The following TMEM108 variants were observed in gnomAD, a reference collection of about 807,000 sequenced individuals.
TMEM108 encodes transmembrane protein 108.
TMEM108 carries 12 observed loss-of-function variants against 35.1 expected under a neutral mutation model. The observed-to-expected ratio is 0.34, with a 90% CI of 0.22 to 0.55. The LOEUF is 0.55. Among genes scored for constraint, TMEM108 ranks in the 20% least tolerant of loss-of-function variants. The pLI is 0.89. For missense variants in TMEM108, 680 were observed against 753.3 expected (o/e 0.90, Z 1.14); for synonymous variants, 287 against 308.6 (o/e 0.93, Z 0.73).
At position 133,319,993 on chromosome 3, in the gene TMEM108, C is replaced by T. The variant is rs558387186; in HGVS notation, c.41-59759C>T. Among the ~76,000 whole-genome samples the T allele has an allele frequency of 1.6e-4, 24 of 152,092 alleles. 1 individual carries two copies. Among genetic ancestry groups the T allele is most frequent in the South Asian group, 6.2e-4 (3 of 4,820 alleles). Reference sequence around the variant, plus strand: ...ATGACAAAACAAGGTTCTGGCTGGGCGCAGTGGCTCATGCCTGTAATCCCA... The same window carrying T: ...ATGACAAAACAAGGTTCTGGCTGGGTGCAGTGGCTCATGCCTGTAATCCCA... On this transcript the variant is annotated intron_variant, in intron 3 of 5. Transcript: ENST00000321871.
intron 3 of TMEM108, among the ~76,000 whole-genome samples, chr3:133,376,303 C>A (rs1394787234): frequency 2.0e-5 from 3 of 152,140 alleles, no homozygotes; most frequent in Non-Finnish European, 4.4e-5. Flanking sequence ...CTCCTAGAGG[C>A]CATGGTGGCT....
chr3:133,217,811 T>G (rs1287359159), intron 2 of TMEM108, among the ~76,000 whole-genome samples: 1 of 152,054 alleles, frequency 6.6e-6, no homozygotes, highest in Admixed American at 6.6e-5. Flanking sequence ...CCAAACAGTT[T>G]TGATTACTAT....
intron 2 of TMEM108, among the ~76,000 whole-genome samples, chr3:133,077,881 G>A (rs772477713): frequency 7.2e-5 from 11 of 152,118 alleles, no homozygotes; most frequent in African/African-American, 1.4e-4. Context: ...AGGCTGACTC[G>A]TTTGCCTGTG....
intron 3 of TMEM108, among the ~76,000 whole-genome samples, chr3:133,235,723 G>T (rs11916334): frequency 0.32 from 48,440 of 152,068 alleles, 8,527 homozygotes; most frequent in East Asian, 0.47. Flanking sequence ...ACTAACATTT[G>T]TGTGGAACCT....
chr3:133,135,211 G>A (rs1265183170), intron 2 of TMEM108, among the ~76,000 whole-genome samples: 3 of 149,946 alleles, frequency 2.0e-5, no homozygotes, highest in Non-Finnish European at 4.4e-5. Context: ...TCCTTTAGCG[G>A]GTCTTTCTCT....
At chr3:133,066,867 T>G (rs1352827463) in intron 2 of TMEM108, among the ~76,000 whole-genome samples, 1 of 152,216 alleles carries the variant, frequency 6.6e-6, no homozygotes, top group Non-Finnish European at 1.5e-5. Context: ...TCTTTACTTT[T>G]GTTATATTTT....
At chr3:133,153,945 T>C (rs1944838815) in intron 2 of TMEM108, among the ~76,000 whole-genome samples, 1 of 152,138 alleles carries the variant, frequency 6.6e-6, no homozygotes, top group African/African-American at 2.4e-5. Flanking sequence ...TACAAAACTT[T>C]GTATTTGTAA....
rs753892854 is a variant in TMEM108, at chr3:133,379,793, G to T, written c.82G>T (p.Ala28Ser). The change falls in exon 4 of 6, where the codon GCC (alanine) becomes TCC (serine). Residue 28 changes from alanine to serine, a missense_variant. Ala to Ser is a moderately conservative substitution (Grantham distance 99, BLOSUM62 1). Around this residue, in one of 3 missense-constraint regions of TMEM108, gnomAD observed 49 missense variants for 70.6 expected, o/e 0.69. Coordinates refer to ENST00000321871, the MANE Select transcript of TMEM108 (RefSeq NM_023943.4). ...GGCACTGACCGAAGCGCTGGCATTT[G>T]CCATCCAGGAACCATCTCCCAGGGA... The part of the protein sequence containing the change: ...ILALTEALAF[A>S]IQEPSPRESL... 2.5e-6 allele frequency: 4 copies of T among 1,613,860 alleles called. No individual in the cohort carries two copies. The highest frequency in any genetic ancestry group is 3.4e-6 in the Non-Finnish European group (4 of 1,179,898).
intron 2 of TMEM108, among the ~76,000 whole-genome samples, chr3:133,064,136 A>G (rs916526882): frequency 1.4e-4 from 22 of 152,126 alleles, no homozygotes; most frequent in African/African-American, 4.6e-4. Flanking sequence ...GTAAGACTCT[A>G]TTGAATTGAG....
At chr3:133,090,452 G>T (rs1943934300) in intron 2 of TMEM108, among the ~76,000 whole-genome samples, 1 of 152,234 alleles carries the variant, frequency 6.6e-6, no homozygotes. Context: ...TGAGGCCCTT[G>T]TATCTTTAGG....
chr3:133,088,313 G>A (rs11710699), intron 2 of TMEM108, among the ~76,000 whole-genome samples: 20,503 of 152,036 alleles, frequency 0.13, 1,444 homozygotes, highest in Admixed American at 0.16. Context: ...GGACCTTCAC[G>A]AATGGGAGGA....
At chr3:133,155,151 C>A (rs1046000362) in intron 2 of TMEM108, among the ~76,000 whole-genome samples, 14 of 152,096 alleles carry the variant, frequency 9.2e-5, no homozygotes, top group Non-Finnish European at 2.1e-4. Flanking sequence ...GGATAATGGC[C>A]TCCAGTTCCA....
intron 2 of TMEM108, among the ~76,000 whole-genome samples, chr3:133,076,729 C>T (rs1397881398): frequency 6.6e-6 from 1 of 152,208 alleles, no homozygotes; most frequent in African/African-American, 2.4e-5. Context: ...CAAAGGCCAA[C>T]AGACAGTTTT....
At chr3:133,310,915 C>G (rs998060086) in intron 3 of TMEM108, among the ~76,000 whole-genome samples, 1 of 152,118 alleles carries the variant, frequency 6.6e-6, no homozygotes, top group African/African-American at 2.4e-5. Flanking sequence ...TAAGGCAGGC[C>G]TGGTTGTGAC....
intron 2 of TMEM108, among the ~76,000 whole-genome samples, chr3:133,104,949 C>A (rs1944131371): frequency 6.6e-6 from 1 of 152,162 alleles, no homozygotes; most frequent in Non-Finnish European, 1.5e-5. Flanking sequence ...GGATTCATCC[C>A]CTATCCACCT....
chr3:133,065,188 A>AT (rs35487289), intron 2 of TMEM108, among the ~76,000 whole-genome samples: 7,535 of 151,926 alleles, frequency 0.05, 252 homozygotes, highest in African/African-American at 0.081. Flanking sequence ...TTGTCACTGC[A>AT]TTTTTTTTAG....
intron 3 of TMEM108, among the ~76,000 whole-genome samples, chr3:133,264,698 A>G (rs2107677825): frequency 6.6e-6 from 1 of 152,316 alleles, no homozygotes; most frequent in African/African-American, 2.4e-5. Context: ...TGGAGAAAAC[A>G]TGAGTTCATG....
At chr3:133,115,516 T>C (rs1182248339) in intron 2 of TMEM108, among the ~76,000 whole-genome samples, 1 of 152,188 alleles carries the variant, frequency 6.6e-6, no homozygotes, top group Non-Finnish European at 1.5e-5. Context: ...GCTAACAAGT[T>C]GAGAAGCTGG....
At chr3:133,386,853 T>C (rs1046227217) in intron 4 of TMEM108, 2 of 624,066 alleles carry the variant, frequency 3.2e-6, no homozygotes, top group Non-Finnish European at 4.1e-6. Context: ...CAGTAATTAG[T>C]TGGGTGATCA....
Sources: gnomAD v4.1 joint callset for allele counts (sites outside exome capture counted in the v4.1 genomes callset) on GRCh38, gnomAD v4.1.1 for gene constraint, gnomAD v4.1.1 regional missense constraint, MANE v1.5 for transcripts, NCBI Gene and HGNC (gene_info 2026-07-23, HGNC 2026-07-21) for gene names.